Variants in IMPA2 observed in about 807,000 individuals in gnomAD.
The protein encoded by IMPA2 is inositol monophosphatase 2, also known as IMP 2.
IMPA2 carries 32 observed loss-of-function variants against 35.1 expected under a neutral mutation model. The observed-to-expected ratio is 0.91, with a 90% CI of 0.69 to 1.23. The LOEUF (loss-of-function observed/expected upper bound fraction) is 1.23, where lower values mean the gene tolerates loss of function less well. Among genes scored for constraint, IMPA2 ranks in the 50% most tolerant of loss-of-function variants. The pLI is 0.00. For missense variants in IMPA2, 334 were observed against 387.6 expected (o/e 0.86, Z 1.16); for synonymous variants, 135 against 160.6 (o/e 0.84, Z 1.20).
At chr18:11,995,159 G>A (rs933277499) in intron 1 of IMPA2, among the ~76,000 whole-genome samples, 5 of 152,216 alleles carry the variant, frequency 3.3e-5, no homozygotes, top group African/African-American at 1.2e-4. Context: ...AGTCTAGTTA[G>A]TAAGAGGTAT....
chr18:12,018,486 C>T (rs1006664314), intron 5 of IMPA2, among the ~76,000 whole-genome samples: 15 of 152,200 alleles, frequency 9.9e-5, no homozygotes, highest in South Asian at 8.3e-4. Flanking sequence ...GATGCTTCTC[C>T]AGTCATTCTG....
At chr18:11,987,679 C>T (rs1036454413) in intron 1 of IMPA2, among the ~76,000 whole-genome samples, 10 of 152,126 alleles carry the variant, frequency 6.6e-5, no homozygotes, top group African/African-American at 9.7e-5. Flanking sequence ...GAAGTTAATA[C>T]GGGTAACGTT....
chr18:11,983,177 G>A (rs1334866565), intron 1 of IMPA2, among the ~76,000 whole-genome samples: 2 of 152,264 alleles, frequency 1.3e-5, no homozygotes, highest in East Asian at 1.9e-4. Context: ...TTTCCCTCCT[G>A]TAGGAAAAGG....
intron 5 of IMPA2, among the ~76,000 whole-genome samples, chr18:12,023,578 A>G (rs1907795527): frequency 6.6e-6 from 1 of 152,040 alleles, no homozygotes; most frequent in African/African-American, 2.4e-5. Context: ...TCCTCCACCC[A>G]CCCGCCCTGT....
intron 5 of IMPA2, among the ~76,000 whole-genome samples, chr18:12,018,998 A>C (rs1048148874): frequency 6.6e-6 from 1 of 151,626 alleles, no homozygotes; most frequent in Non-Finnish European, 1.5e-5. Context: ...TAATTTAAAA[A>C]ATATTTTTGT....
intron 1 of IMPA2, among the ~76,000 whole-genome samples, chr18:11,984,851 CCAG>C (rs200843209): frequency 0.079 from 12,053 of 151,818 alleles, 771 homozygotes; most frequent in South Asian, 0.28. Flanking sequence ...GCCTGTAGTC[CCAG>C]CTACTCAGGA....
In IMPA2 at chr18:11,999,038, C is replaced by T. The variant is rs200522493; in HGVS notation, c.97-16C>T. 4.4e-5 allele frequency: 70 copies of T among 1,600,672 alleles called. No homozygotes were observed. Among genetic ancestry groups the T allele is most frequent in the East Asian group, 1.8e-4 (8 of 43,520 alleles). Reference sequence around the variant, plus strand: ...ATGTTTGCATGTTTAACCCAAATCCCGTACTTTTATTTCAGATCATCAGAA... The same window carrying T: ...ATGTTTGCATGTTTAACCCAAATCCTGTACTTTTATTTCAGATCATCAGAA... On this transcript the variant is annotated splice_polypyrimidine_tract_variant and intron_variant, in intron 1 of 7. Coordinates refer to ENST00000269159, the MANE Select transcript of IMPA2 (RefSeq NM_014214.3).
chr18:11,999,607 T>C (rs1598689804), intron 2 of IMPA2, among the ~76,000 whole-genome samples: 3 of 152,244 alleles, frequency 2.0e-5, no homozygotes, highest in African/African-American at 7.2e-5. Flanking sequence ...GAGGATGGGA[T>C]GCCAAGTGGC....
chr18:12,000,293 C>T (rs1407715239), intron 2 of IMPA2, among the ~76,000 whole-genome samples: 2 of 151,024 alleles, frequency 1.3e-5, no homozygotes, highest in Admixed American at 1.3e-4. Flanking sequence ...CTGCTTCAGC[C>T]TCCTGAGTAG....
At chr18:12,019,159 A>C (rs551176336) in intron 5 of IMPA2, among the ~76,000 whole-genome samples, 1 of 152,084 alleles carries the variant, frequency 6.6e-6, no homozygotes, top group African/African-American at 2.4e-5. Flanking sequence ...CTAACCTCAC[A>C]TAGATACGTA....
intron 2 of IMPA2, 69 bp downstream of exon 2, chr18:11,999,256 C>A: frequency 6.7e-7 from 1 of 1,487,708 alleles, no homozygotes; most frequent in Non-Finnish European, 9.1e-7. Context: ...CAGGGTCTGC[C>A]GGGGTCAGGG....
At chr18:12,030,282 C>G in intron 7 of IMPA2, 61 bp from the exon 8 acceptor site, 1 of 1,280,224 alleles carries the variant, frequency 7.8e-7, no homozygotes, top group Non-Finnish European at 1.1e-6. Context: ...TAAGTTGTTA[C>G]ACAACATTGT....
rs748288388 is a variant in IMPA2, at chr18:12,010,039, G to A, written c.335+52G>A. 26 of 1,389,514 alleles carry A rather than the reference G, an allele frequency of 1.9e-5. No homozygotes were observed. Among genetic ancestry groups the A allele is most frequent in the Non-Finnish European group, 2.6e-5 (26 of 981,178 alleles). 86.1% of individuals were successfully genotyped at this position (1,389,514 alleles called of 1,614,324 possible). The stretch of plus-strand genomic sequence containing the variant: ...TGCAGGGCTTAACATGTCCTCTTCT[G>A]TGAGGTTTTGTCTTTTCAAAAGCAG... On this transcript the variant is annotated intron_variant, in intron 3 of 7. Transcript: ENST00000269159. This position sits in a 1 kb window ranked among gnomAD's most constrained non-coding sequence, Gnocchi z 4.8.
chr18:12,001,057 C>T (rs931113034), intron 2 of IMPA2, among the ~76,000 whole-genome samples: 3 of 151,616 alleles, frequency 2.0e-5, no homozygotes, highest in Non-Finnish European at 4.4e-5. Context: ...GGTGAAACCT[C>T]GTCCCTACTA....
At chr18:12,002,161 A>G (rs1907132004) in intron 2 of IMPA2, among the ~76,000 whole-genome samples, 1 of 152,202 alleles carries the variant, frequency 6.6e-6, no homozygotes, top group Non-Finnish European at 1.5e-5. Flanking sequence ...GATGAGAGAA[A>G]ATTGTATACA....
At chr18:12,024,356 C>T (rs1187535491) in intron 5 of IMPA2, among the ~76,000 whole-genome samples, 1 of 152,110 alleles carries the variant, frequency 6.6e-6, no homozygotes, top group South Asian at 2.1e-4. Context: ...TGGTGGTGCG[C>T]ACCTGTAATC....
chr18:12,021,280 C>G (rs1446154544), intron 5 of IMPA2, among the ~76,000 whole-genome samples: 1 of 152,090 alleles, frequency 6.6e-6, no homozygotes, highest in African/African-American at 2.4e-5. Flanking sequence ...GTAGTTCCAG[C>G]TACTCAGAGG....
chr18:12,011,395 A>G (rs1482237070), intron 3 of IMPA2, among the ~76,000 whole-genome samples: 1 of 152,202 alleles, frequency 6.6e-6, no homozygotes, highest in Non-Finnish European at 1.5e-5. Flanking sequence ...CAGTGGGAGA[A>G]AGCTCTCCTG....
rs755110026 is a variant in IMPA2 at position 12,028,872 on chromosome 18, A to C, written c.630A>C (p.Ala210=). 1.2e-6 allele frequency: 2 copies of C among 1,613,824 alleles called. No homozygotes were observed. Among genetic ancestry groups the C allele is most frequent in the South Asian group, 2.2e-5 (2 of 91,078 alleles). ...GAGTGATTGGAAGCTCCACATTGGCACTCTGCCACCTGGCCTCAGGGGCCG... is the reference window on the plus strand; with the variant it reads ...GAGTGATTGGAAGCTCCACATTGGCCCTCTGCCACCTGGCCTCAGGGGCCG... ...GVRVIGSSTL[A]LCHLASGAAD... The change falls in exon 7 of 8, where the codon GCA becomes GCC. Residue 210 remains alanine (A), a synonymous_variant. Transcript: ENST00000269159.
Sources: gnomAD v4.1 joint callset for allele counts (sites outside exome capture counted in the v4.1 genomes callset) on GRCh38, gnomAD v4.1.1 for gene constraint, Gnocchi (gnomAD v3.1) non-coding constraint, MANE v1.5 for transcripts, NCBI Gene and HGNC (gene_info 2026-07-23, HGNC 2026-07-21) for gene names.